NBPF20: variants seen among roughly 807,000 people sequenced by gnomAD.
The protein encoded by NBPF20 is NBPF member 20, also known as NBPF family member NBPF20.
A neutral mutation model predicts 68.1 loss-of-function variants in NBPF20; 90 were observed. That is an observed-to-expected ratio of 1.32 (90% confidence interval 1.11 to 1.58). NBPF20 has a LOEUF of 1.58. NBPF20 is among the 40% of genes most tolerant of loss of function. NBPF20 has a pLI of 0.00. For missense variants in NBPF20, 816 were observed against 601.2 expected, an observed-to-expected ratio of 1.36 and a Z score of -3.74; for synonymous variants, 290 against 228.1, an observed-to-expected ratio of 1.27 and a Z score of -2.45.
At chr1:145,393,746 C>G in intron 9 of NBPF20, 138 bp downstream of exon 14, 1 of 1,515,040 alleles carries the variant, frequency 6.6e-7, no homozygotes, top group Non-Finnish European at 9.0e-7. Context: ...TAATGAGAAC[C>G]AGAAAGCAAT....
the NBPF20 span, among the ~76,000 whole-genome samples, chr1:145,419,845 A>C: frequency 1.3e-5 from 2 of 152,204 alleles, no homozygotes; most frequent in African/African-American, 2.4e-5. Flanking sequence ...CAGTGAAAGA[A>C]GGCGTCCACC....
chr1:145,403,002 A>G (rs1449038940), intron 3 of NBPF20, among the ~76,000 whole-genome samples: 4 of 151,872 alleles, frequency 2.6e-5, no homozygotes, highest in African/African-American at 9.7e-5. Context: ...ACTTGTTTGA[A>G]AAAGAGAAAA....
At chr1:145,405,919 T>C (rs1553667213), upstream of NBPF20, 2 of 171,896 alleles carry the variant, frequency 1.2e-5, no homozygotes, top group African/African-American at 4.8e-5. Context: ...GTTTTGACTT[T>C]TTCTTTTTTT....
chr1:145,415,050 T>C, the NBPF20 span, among the ~76,000 whole-genome samples: 8 of 152,122 alleles, frequency 5.3e-5, no homozygotes, highest in Non-Finnish European at 8.8e-5. Flanking sequence ...CCTTAGTATT[T>C]ATTGATCATT....
At chr1:145,398,303 T>G (rs1338835840) in intron 7 of NBPF20, among the ~76,000 whole-genome samples, 1 of 151,562 alleles carries the variant, frequency 6.6e-6, no homozygotes, top group African/African-American at 2.4e-5. Flanking sequence ...ACATCACACT[T>G]ATTCCAAAAT....
At chr1:145,400,959 T>G in intron 5 of NBPF20, 100 bp downstream of exon 10, 2 of 1,421,900 alleles carry the variant, frequency 1.4e-6, no homozygotes, top group Non-Finnish European at 2.0e-6. Context: ...GCCAAGCAAA[T>G]GTGGGTTTTT....
At chr1:145,410,174 C>T (rs1213300880), upstream of NBPF20, among the ~76,000 whole-genome samples, 1 of 151,992 alleles carries the variant, frequency 6.6e-6, no homozygotes, top group Non-Finnish European at 1.5e-5. Context: ...TATATCCTCA[C>T]CAACAGGTGC....
the NBPF20 span, among the ~76,000 whole-genome samples, chr1:145,421,784 T>A: frequency 1.4e-4 from 22 of 152,210 alleles, no homozygotes; most frequent in African/African-American, 5.1e-4. Flanking sequence ...CTTATGCCTG[T>A]AATCCCAACA....
chr1:145,295,375 A>T (rs1661284934), intron 133 of NBPF20, 192 bp downstream of exon 138: 1 of 179,980 alleles, frequency 5.6e-6, no homozygotes, highest in Non-Finnish European at 9.3e-6. Context: ...AACCTATAGT[A>T]AGTTAGTAAA....
chr1:145,291,882 C>G, intron 137 of NBPF20, 113 bp from the exon 143 acceptor site: 3 of 1,588,394 alleles, frequency 1.9e-6, no homozygotes, highest in Non-Finnish European at 2.6e-6. Context: ...AAGGATAGAT[C>G]CATTAATGAG....
At chr1:145,415,667 TA>T in the NBPF20 span, among the ~76,000 whole-genome samples, 2 of 150,864 alleles carry the variant, frequency 1.3e-5, no homozygotes, top group Non-Finnish European at 3.0e-5. Context: ...TTAATCCATT[TA>T]ACCCTGAGTT....
At chr1:145,402,368 G>C (rs1662564623) in exon 4 of NBPF20, 2 of 1,604,990 alleles carry the variant, frequency 1.2e-6, no homozygotes, top group African/African-American at 1.3e-5. Flanking sequence ...GCGTGAACCA[G>C]GACTTTATAT....
chr1:145,390,313 G>C lies in NBPF20; in HGVS notation c.1494-197C>G, dbSNP rs1283151493. On this transcript the variant is annotated intron_variant, in intron 13 of 137. Transcript: ENST00000369373. ...AAAGAATGAAAGAGAAAGACAGATA[G>C]ACACACACACACACACACACACACA... is the stretch of plus-strand genomic sequence containing the variant. Among the ~76,000 whole-genome samples, 47 of 60,876 alleles carry C rather than the reference G, an allele frequency of 7.7e-4. 13 individuals are homozygous for C. The East Asian group carries it at 0.021, about 27-fold the overall frequency. The allele number at this position is 60,876 out of a possible 152,430, so 39.9% of individuals were successfully genotyped here. A position where few individuals can be genotyped will look rare whatever the true frequency, so the allele number is the denominator to read the frequency against.
At chr1:145,416,157 C>T in the NBPF20 span, among the ~76,000 whole-genome samples, 8 of 150,620 alleles carry the variant, frequency 5.3e-5, no homozygotes, top group African/African-American at 4.9e-5. Context: ...AAAATAAAGA[C>T]GGTTCACTAC....
At chr1:145,292,266 T>G (rs1275307135) in intron 137 of NBPF20, 115 bp downstream of exon 142, 6 of 616,342 alleles carry the variant, frequency 9.7e-6, no homozygotes, top group Admixed American at 5.8e-5. Flanking sequence ...GCAATGACAG[T>G]AGGAGTAATT....
At chr1:145,421,864 A>C in the NBPF20 span, among the ~76,000 whole-genome samples, 9 of 152,108 alleles carry the variant, frequency 5.9e-5, no homozygotes, top group African/African-American at 1.9e-4. Flanking sequence ...ACTACAGGAA[A>C]ACCCTGTCTA....
chr1:145,425,461 G>C, the NBPF20 span, among the ~76,000 whole-genome samples: 1 of 152,206 alleles, frequency 6.6e-6, no homozygotes, highest in African/African-American at 2.4e-5. Context: ...CCCGTCCCGC[G>C]TTCCCAAAAG....
At chr1:145,392,656 G>A (rs1321887342) in intron 10 of NBPF20, among the ~76,000 whole-genome samples, 1 of 28,108 alleles carries the variant, frequency 3.6e-5, no homozygotes, top group South Asian at 1.6e-3. Context: ...GCCCCCAAAT[G>A]GTTGCTAGGA....
At chr1:145,377,982 C>T (rs1262578391) in intron 29 of NBPF20, 61 bp downstream of exon 34, 7 of 483,874 alleles carry the variant, frequency 1.4e-5, no homozygotes, top group Middle Eastern at 5.6e-4. Context: ...CTTGTTTTCC[C>T]TGGACCTGGC....
Sources: gnomAD v4.1 joint callset for allele counts (sites outside exome capture counted in the v4.1 genomes callset) on GRCh38, gnomAD v4.1.1 for gene constraint, MANE v1.5 for transcripts, NCBI Gene and HGNC (gene_info 2026-07-23, HGNC 2026-07-21) for gene names.